Variants in PCDHA8 observed in about 807,000 individuals in gnomAD.
PCDHA8 encodes the protein protocadherin alpha-8.
Under a neutral mutation model 61.8 loss-of-function variants are expected in PCDHA8, and 53 were observed. The ratio of observed to expected loss-of-function variants is 0.86; its 90% CI spans 0.69 to 1.08. The LOEUF is 1.08. PCDHA8 is among the 50% of genes least tolerant of loss of function. PCDHA8 has a pLI of 0.00. For missense variants in PCDHA8, 1,293 were observed against 1,245.0 expected (o/e 1.04, Z -0.58); for synonymous variants, 618 against 556.6 (o/e 1.11, Z -1.55).
chr5:140,871,665 C>G, intron 1 of PCDHA8: 1 of 1,187,684 alleles, frequency 8.4e-7, no homozygotes, highest in African/African-American at 1.5e-5. Flanking sequence ...CATCTTCAGT[C>G]TTTTAATCAT....
intron 1 of PCDHA8, among the ~76,000 whole-genome samples, chr5:140,955,465 T>C (rs2095187437): frequency 6.6e-6 from 1 of 152,128 alleles, no homozygotes; most frequent in Non-Finnish European, 1.5e-5. Flanking sequence ...TTTTCCTTTT[T>C]GCTTGGCACC....
chr5:140,944,984 T>A (rs972607288), intron 1 of PCDHA8, among the ~76,000 whole-genome samples: 6 of 152,184 alleles, frequency 3.9e-5, no homozygotes, highest in Non-Finnish European at 8.8e-5. Context: ...GTGGGTCTAC[T>A]TCTGTAACGG....
At chr5:140,870,849 G>A (rs2052464243) in intron 1 of PCDHA8, 2 of 1,613,878 alleles carry the variant, frequency 1.2e-6, no homozygotes, top group Non-Finnish European at 1.7e-6. Context: ...TAGTACCGCG[G>A]TCGGTGGGTG....
chr5:140,966,792 C>A (rs1182470326), intron 1 of PCDHA8: 3 of 1,530,564 alleles, frequency 2.0e-6, no homozygotes, highest in Admixed American at 1.9e-5. Context: ...ACCAGACCTG[C>A]GGCGACAGAG....
At chr5:140,858,647 A>T in intron 1 of PCDHA8, 1 of 821,512 alleles carries the variant, frequency 1.2e-6, no homozygotes, top group Non-Finnish European at 1.8e-6. Context: ...ATTGGTACTT[A>T]AATTTTTTTA....
intron 1 of PCDHA8, chr5:140,967,256 G>T: frequency 6.2e-7 from 1 of 1,613,524 alleles, no homozygotes; most frequent in Non-Finnish European, 8.5e-7. Flanking sequence ...GGTGGCGCCT[G>T]GAGCGCGCTT....
Position 140,842,639 on chromosome 5 carries a change from A to C in PCDHA8, c.1318A>C (p.Ser440Arg). 1 of 1,595,430 alleles carries C rather than the reference A, an allele frequency of 6.3e-7. No homozygotes were observed. The highest frequency in any genetic ancestry group is 8.6e-7 in the Non-Finnish European group (1 of 1,165,504). Residue 440 changes from serine (S) to arginine (R), a missense_variant, in exon 1 of 4, where the codon AGC (serine) becomes CGC (arginine). Coordinates refer to ENST00000531613, the MANE Select transcript of PCDHA8 (RefSeq NM_018911.3). ...CTCGCCTTCGCTGTGGGCCACCGCC[A>C]GCTTGTCTGTGGAGGTGGCCGACGT... ...GGSPSLWATA[S>R]LSVEVADVND...
At chr5:140,871,596 C>A in intron 1 of PCDHA8, 1 of 1,453,960 alleles carries the variant, frequency 6.9e-7, no homozygotes. Context: ...TATGAATAAC[C>A]AGTGTTTTGA....
At chr5:140,877,987 CT>C (rs2057428803) in intron 1 of PCDHA8, 14 of 1,151,184 alleles carry the variant, frequency 1.2e-5, no homozygotes, top group Non-Finnish European at 1.6e-5. Context: ...TCATTTTGAA[CT>C]TTTATGTATT....
At chr5:140,999,524 C>T (rs1367103048) in intron 3 of PCDHA8, among the ~76,000 whole-genome samples, 1 of 152,026 alleles carries the variant, frequency 6.6e-6, no homozygotes, top group Non-Finnish European at 1.5e-5. Context: ...ATTTTGTTAC[C>T]CCCTGGATAT....
chr5:140,986,714 CATT>C (rs1426352732), intron 3 of PCDHA8, among the ~76,000 whole-genome samples: 4 of 152,118 alleles, frequency 2.6e-5, no homozygotes, highest in Non-Finnish European at 4.4e-5. Flanking sequence ...CAGAAGATAA[CATT>C]ATAGCTTCTC....
intron 3 of PCDHA8, among the ~76,000 whole-genome samples, chr5:141,000,387 CTCTCTCTCTA>C (rs1244377903): frequency 2.3e-3 from 152 of 66,802 alleles, no homozygotes; most frequent in African/African-American, 4.6e-3. Flanking sequence ...CTCTCTCTCT[CTCTCTCTCTA>C]TATATATATA....
At chr5:140,864,296 A>T (rs1232211439) in intron 1 of PCDHA8, 1 of 152,194 alleles carries the variant, frequency 6.6e-6, no homozygotes, top group African/African-American at 2.4e-5. Context: ...TATGTATTCA[A>T]AAATACCATG....
At chr5:140,921,538 A>C (rs572073676) in intron 1 of PCDHA8, among the ~76,000 whole-genome samples, 2 of 152,344 alleles carry the variant, frequency 1.3e-5, no homozygotes, top group Admixed American at 6.5e-5. Flanking sequence ...CTGATAGAAC[A>C]TTCTGCAAAA....
In PCDHA8 at chr5:140,978,987, C is replaced by T; in HGVS notation, c.2433C>T (p.Ser811=). 4 of 1,614,162 alleles carry T rather than the reference C, an allele frequency of 2.5e-6. No homozygotes were observed. In the South Asian group the frequency reaches 3.3e-5, roughly 13 times the overall value. The change falls in exon 2 of 4, where the codon TCC becomes TCT. Residue 811 remains serine (S), a synonymous_variant. Transcript: ENST00000531613. ...QPNPDWRYSA[S]LRAGMHSSVH... ...ACCCTGACTGGCGTTACTCTGCCTC[C>T]CTGAGAGCAGGCATGCACAGGTATG...
intron 1 of PCDHA8, among the ~76,000 whole-genome samples, chr5:140,946,611 A>AAT (rs1554217734): frequency 0.018 from 1,579 of 86,716 alleles, 89 homozygotes; most frequent in African/African-American, 0.026. Flanking sequence ...GAAAATGTGA[A>AAT]ATATATATAT....
chr5:140,850,376 C>G (rs2041562813), intron 1 of PCDHA8: 1 of 1,597,960 alleles, frequency 6.3e-7, no homozygotes, highest in Non-Finnish European at 8.6e-7. Flanking sequence ...TGGGGCTGTA[C>G]ACGGGCGAGA....
chr5:140,870,221 T>C (rs1554163925), intron 1 of PCDHA8: 2 of 1,614,012 alleles, frequency 1.2e-6, no homozygotes, highest in Admixed American at 3.3e-5. Context: ...CTGATCAGCG[T>C]GTCTGACCGT....
chr5:140,966,578 G>A, intron 1 of PCDHA8: 1 of 527,316 alleles, frequency 1.9e-6, no homozygotes, highest in Non-Finnish European at 3.1e-6. Context: ...GGGAGTCAGC[G>A]AGGACGGTGG....
Sources: allele counts gnomAD v4.1 joint callset (sites outside exome capture counted in the v4.1 genomes callset), GRCh38; gene constraint gnomAD v4.1.1; transcripts MANE v1.5; gene names NCBI Gene and HGNC (gene_info 2026-07-23, HGNC 2026-07-21).